Variants in CXCR5 observed in about 807,000 individuals in gnomAD.
CXCR5 encodes the protein C-X-C chemokine receptor type 5.
CXCR5 carries 3 observed loss-of-function variants against 5.6 expected under a neutral mutation model. The ratio of observed to expected loss-of-function variants is 0.54; its 90% CI spans 0.24 to 1.39. The LOEUF (loss-of-function observed/expected upper bound fraction) is 1.39. Ranked by LOEUF, CXCR5 falls within the 40% of genes most tolerant of loss-of-function variation. The probability of loss-of-function intolerance (pLI) is 0.16; values close to 1 mark genes in which losing one functional copy is unlikely to be tolerated. For synonymous variants in CXCR5, 218 were observed against 219.9 expected (o/e 0.99, Z 0.08); for missense variants, 333 against 494.6 (o/e 0.67, Z 3.10).
chr11:118,892,222 T>C (rs1939821310), intron 1 of CXCR5, among the ~76,000 whole-genome samples: 1 of 152,014 alleles, frequency 6.6e-6, no homozygotes. Flanking sequence ...AGACCCTCAT[T>C]CCCCCAGAGC....
rs1939910773 is a variant in CXCR5, at chr11:118,896,140, T to A, written c.*1477T>A. The A allele has an allele frequency of 6.0e-6, 1 of 166,926 alleles. No individual in the cohort carries two copies. The highest frequency in any genetic ancestry group is 6.6e-5 in the Admixed American group (1 of 15,262). 10.3% of individuals were successfully genotyped at this position (166,926 alleles called of 1,614,324 possible). On this transcript the variant is annotated 3_prime_UTR_variant, in exon 2 of 2. Coordinates refer to ENST00000292174, the MANE Select transcript of CXCR5 (RefSeq NM_001716.5). ...AGATGCAAAGAGGCAAGAGGCTGGATTTTGAATTTTCTTTTTAATAAAAAG... is the reference window on the plus strand; with the variant it reads ...AGATGCAAAGAGGCAAGAGGCTGGAATTTGAATTTTCTTTTTAATAAAAAG...
At position 118,896,655 on chromosome 11, in the gene CXCR5, G is replaced by C. The variant is rs1279396701; in HGVS notation, c.*1992G>C. On this transcript the variant is annotated 3_prime_UTR_variant, in exon 2 of 2. Coordinates refer to ENST00000292174, the MANE Select transcript of CXCR5 (RefSeq NM_001716.5). ...AGAGGAAGCGCTGGACCTGGCCGAT[G>C]GTGGGCCGAGAGGACAGCACCAGGC... 1 of 152,940 alleles carries C rather than the reference G, an allele frequency of 6.5e-6. No individual in the cohort carries two copies. Among genetic ancestry groups the C allele is most frequent in the Non-Finnish European group, 1.5e-5 (1 of 68,232 alleles). The allele number at this position is 152,940 out of a possible 1,614,324, so 9.5% of individuals were successfully genotyped here.
intron 1 of CXCR5, chr11:118,887,315 A>G (rs1939728444): frequency 3.0e-6 from 3 of 985,316 alleles, no homozygotes; most frequent in Non-Finnish European, 1.2e-6. Context: ...AATATTTCCA[A>G]CCCAGGAGAT....
At chr11:118,886,686 C>T (rs1389147673) in intron 1 of CXCR5, 7 of 285,448 alleles carry the variant, frequency 2.5e-5, no homozygotes. Flanking sequence ...CCAACAGAAC[C>T]AGGGCCTGGG....
At chr11:118,890,803 G>T (rs1939797085) in intron 1 of CXCR5, among the ~76,000 whole-genome samples, 1 of 152,206 alleles carries the variant, frequency 6.6e-6, no homozygotes, top group East Asian at 1.9e-4. Context: ...AAAGTGGAGA[G>T]CTCTAGTTTA....
chr11:118,894,108 CAA>C lies in CXCR5; in HGVS notation c.566_567del (p.Lys189SerfsTer119). 6.2e-7 allele frequency: 1 copy of C among 1,614,008 alleles called. No homozygotes were observed. Among genetic ancestry groups the C allele is most frequent in the Non-Finnish European group, 8.5e-7 (1 of 1,180,024 alleles). ...LLALPEILFA[K>X]VSQGHHNNSL... ...TTGCCTTGCCAGAGATTCTCTTCGC[CAA>C]AGTCAGCCAAGGCCATCACAACAAC... On this transcript the variant is annotated frameshift_variant, in exon 2 of 2. Coordinates refer to ENST00000292174, the MANE Select transcript of CXCR5 (RefSeq NM_001716.5). LOFTEE classifies it low-confidence loss of function (END_TRUNC). The surrounding 1 kb of genome is among the most constrained non-coding windows in gnomAD (Gnocchi z 6.1).
In CXCR5 at chr11:118,894,613, A is replaced by G; in HGVS notation, c.1069A>G (p.Arg357Gly). 1 of 1,520,242 alleles carries G rather than the reference A, an allele frequency of 6.6e-7. No individual in the cohort carries two copies. Among genetic ancestry groups the G allele is most frequent in the African/African-American group, 1.4e-5 (1 of 71,926 alleles). 94.2% of individuals were successfully genotyped at this position (1,520,242 alleles called of 1,614,324 possible). Residue 357 changes from arginine to glycine, a missense_variant, in exon 2 of 2, where the codon AGG becomes GGG. Arg to Gly is a moderately radical substitution (Grantham distance 125). Coordinates refer to ENST00000292174, the MANE Select transcript of CXCR5 (RefSeq NM_001716.5). The surrounding 1 kb of genome is among the most constrained non-coding windows in gnomAD (Gnocchi z 6.1). The part of the protein sequence containing the change: ...SLCQLFPSWR[R>G]SSLSESENAT... Reference sequence around the variant, plus strand: ...GTGCCAGCTCTTCCCTAGCTGGCGCAGGAGCAGTCTCTCTGAGTCAGAGAA... The same window carrying G: ...GTGCCAGCTCTTCCCTAGCTGGCGCGGGAGCAGTCTCTCTGAGTCAGAGAA...
chr11:118,894,952 C>T lies in CXCR5; in HGVS notation c.*289C>T, dbSNP rs1591968727. On this transcript the variant is annotated 3_prime_UTR_variant, in exon 2 of 2. Transcript: ENST00000292174. This position sits in a 1 kb window ranked among gnomAD's most constrained non-coding sequence, Gnocchi z 6.1. ...CCCCCTGGGCTGAGAGAACCTCACG[C>T]ACCTCCCATCCTAATCATCCAATGC... The T allele has an allele frequency of 2.7e-6, 1 of 367,916 alleles. No individual in the cohort carries two copies. The highest frequency in any genetic ancestry group is 4.3e-5 in the East Asian group (1 of 23,450). 22.8% of individuals were successfully genotyped at this position (367,916 alleles called of 1,614,324 possible).
At chr11:118,884,994 G>C (rs1939688302) in intron 1 of CXCR5, among the ~76,000 whole-genome samples, 2 of 152,164 alleles carry the variant, frequency 1.3e-5, no homozygotes, top group South Asian at 4.1e-4. Context: ...GCCAAACCCT[G>C]GCTCCTACCA....
At position 118,897,511 on chromosome 11, in the gene CXCR5, C is replaced by T. The variant is rs899753927; in HGVS notation, c.*2848C>T. The T allele has an allele frequency of 7.5e-5, 25 of 334,278 alleles. No homozygotes were observed. The highest frequency in any genetic ancestry group is 5.0e-4 in the African/African-American group (23 of 45,618). The allele number at this position is 334,278 out of a possible 1,614,324, so 20.7% of individuals were successfully genotyped here. The stretch of plus-strand genomic sequence containing the variant: ...TCTCCCTGAATCACTCAGCAGCAGA[C>T]AGGCTGCCGCCCTGGGGGTCTCAGC... On this transcript the variant is annotated 3_prime_UTR_variant, in exon 2 of 2. Coordinates refer to ENST00000292174, the MANE Select transcript of CXCR5 (RefSeq NM_001716.5).
intron 1 of CXCR5, 79 bp downstream of exon 1, chr11:118,884,071 G>A: frequency 7.0e-7 from 1 of 1,426,530 alleles, no homozygotes; most frequent in South Asian, 1.2e-5. Context: ...CCGAGGGAGA[G>A]GGGACAGTGT....
In CXCR5 at chr11:118,895,264, G is replaced by A. The variant is rs1939886941; in HGVS notation, c.*601G>A. 1 of 167,174 alleles carries A rather than the reference G, an allele frequency of 6.0e-6. No individual in the cohort carries two copies. The highest frequency in any genetic ancestry group is 1.5e-5 in the Non-Finnish European group (1 of 68,214). 10.4% of individuals were successfully genotyped at this position (167,174 alleles called of 1,614,324 possible). A position where few individuals can be genotyped will look rare whatever the true frequency, so the allele number is the denominator to read the frequency against. ...TCATCTTGACCAAGCAGGAAGCTCA[G>A]ACTGGTTGAGTTCAGGTAGCTGCCC... On this transcript the variant is annotated 3_prime_UTR_variant, in exon 2 of 2. Transcript: ENST00000292174. This position sits in a 1 kb window ranked among gnomAD's most constrained non-coding sequence, Gnocchi z 4.2.
At chr11:118,887,082 G>A (rs1439095547) in intron 1 of CXCR5, 2 of 208,238 alleles carry the variant, frequency 9.6e-6, no homozygotes, top group South Asian at 1.7e-4. Context: ...GGTCAGAGAT[G>A]AGGGAGAGCC....
In CXCR5 at chr11:118,894,448, G is replaced by A. The variant is rs766477033; in HGVS notation, c.904G>A (p.Val302Met). 41 of 1,613,824 alleles carry A rather than the reference G, an allele frequency of 2.5e-5. No homozygotes were observed. Among genetic ancestry groups the A allele is most frequent in the African/African-American group, 1.5e-4 (11 of 74,930 alleles). ...NTCKLNGSLP[V>M]AITMCEFLGL... ...CTGCAAGCTGAATGGCTCTCTCCCCGTGGCCATCACCATGTGTGAGTTCCT... is the reference window on the plus strand; with the variant it reads ...CTGCAAGCTGAATGGCTCTCTCCCCATGGCCATCACCATGTGTGAGTTCCT... Residue 302 changes from valine to methionine, a missense_variant, in exon 2 of 2, where the codon GTG (valine) becomes ATG (methionine). Physicochemically the swap from Val to Met is conservative, Grantham distance 21. Coordinates refer to ENST00000292174, the MANE Select transcript of CXCR5 (RefSeq NM_001716.5). The surrounding 1 kb of genome is among the most constrained non-coding windows in gnomAD (Gnocchi z 6.1).
chr11:118,887,376 T>G, intron 1 of CXCR5: 1 of 985,426 alleles, frequency 1.0e-6, no homozygotes, highest in Non-Finnish European at 1.2e-6. Flanking sequence ...GCCTGCATCT[T>G]GGACTGTGTG....
chr11:118,895,474 G>C lies in CXCR5; in HGVS notation c.*811G>C, dbSNP rs190751110. 11 of 167,200 alleles carry C rather than the reference G, an allele frequency of 6.6e-5. No homozygotes were observed. The East Asian group carries it at 2.1e-3, about 32-fold the overall frequency. 10.4% of individuals were successfully genotyped at this position (167,200 alleles called of 1,614,324 possible). On this transcript the variant is annotated 3_prime_UTR_variant, in exon 2 of 2. Coordinates refer to ENST00000292174, the MANE Select transcript of CXCR5 (RefSeq NM_001716.5). The surrounding 1 kb of genome is among the most constrained non-coding windows in gnomAD (Gnocchi z 4.2). ...AGCTTTCTTCCCGAACCCCAAGGAGGGAGATGGATCAATCAAACCCGGCGG... is the reference window on the plus strand; with the variant it reads ...AGCTTTCTTCCCGAACCCCAAGGAGCGAGATGGATCAATCAAACCCGGCGG...
In CXCR5 at chr11:118,896,232, T is replaced by C. The variant is rs1447157850; in HGVS notation, c.*1569T>C. The C allele has an allele frequency of 6.0e-6, 1 of 166,522 alleles. No homozygotes were observed. The highest frequency in any genetic ancestry group is 1.5e-5 in the Non-Finnish European group (1 of 68,076). The allele number at this position is 166,522 out of a possible 1,614,324, so 10.3% of individuals were successfully genotyped here. On this transcript the variant is annotated 3_prime_UTR_variant, in exon 2 of 2. Transcript: ENST00000292174. ...ACCCCCGGAACAAGCCTAAAAATTG[T>C]TTCAAAATAAAAACCAAGAAGATGT...
rs1350424476 is a variant in CXCR5, at chr11:118,897,764, T to G, written c.*3101T>G. 2.2e-6 allele frequency: 1 copy of G among 453,664 alleles called. No individual in the cohort carries two copies. The highest frequency in any genetic ancestry group is 4.4e-6 in the Non-Finnish European group (1 of 226,224). 28.1% of individuals were successfully genotyped at this position (453,664 alleles called of 1,614,324 possible). On this transcript the variant is annotated 3_prime_UTR_variant, in exon 2 of 2. Transcript: ENST00000292174. ...GGAAGGGTTTCTTTTATCCTTTTTT[T>G]TTTGTGTGACTTCTATCAAAACACA...
chr11:118,894,532 C>T lies in CXCR5; in HGVS notation c.988C>T (p.Arg330Cys), dbSNP rs1939868955. ...CTACACTTTCGCCGGCGTGAAGTTC[C>T]GCAGTGACCTGTCGCGGCTCCTGAC... is the stretch of plus-strand genomic sequence containing the variant. ...MLYTFAGVKFRSDLSRLLTKL... is the reference protein window; with the variant it reads ...MLYTFAGVKFCSDLSRLLTKL... Residue 330 changes from arginine (R) to cysteine (C), a missense_variant, in exon 2 of 2, where the codon CGC (arginine) becomes TGC (cysteine). Transcript: ENST00000292174. This position sits in a 1 kb window ranked among gnomAD's most constrained non-coding sequence, Gnocchi z 6.1. The T allele has an allele frequency of 1.3e-6, 2 of 1,581,672 alleles. No homozygotes were observed. The highest frequency in any genetic ancestry group is 1.3e-5 in the African/African-American group (1 of 74,596).
Sources: allele counts gnomAD v4.1 joint callset (sites outside exome capture counted in the v4.1 genomes callset), GRCh38; gene constraint gnomAD v4.1.1; non-coding constraint Gnocchi (gnomAD v3.1); transcripts MANE v1.5; gene names NCBI Gene and HGNC (gene_info 2026-07-23, HGNC 2026-07-21).